DOCK3: variants seen among roughly 807,000 people sequenced by gnomAD.
The protein encoded by DOCK3 is dedicator of cytokinesis 3.
Under a neutral mutation model 265.6 loss-of-function variants are expected in DOCK3, and 60 were observed. That is an observed-to-expected ratio of 0.23 (90% CI 0.18 to 0.28). The LOEUF is 0.28. Ranked by LOEUF, DOCK3 falls within the 10% of genes least tolerant of loss-of-function variation. The pLI is 1.00. For synonymous variants in DOCK3, 881 were observed against 938.0 expected (o/e 0.94, Z 1.11); for missense variants, 1,981 against 2,594.3 (o/e 0.76, Z 5.14).
At chr3:51,249,442 C>T (rs2079056424) in intron 22 of DOCK3, among the ~76,000 whole-genome samples, 1 of 122,708 alleles carries the variant, frequency 8.1e-6, no homozygotes, top group East Asian at 2.6e-4. Flanking sequence ...TGTCCGGCCG[C>T]CCCTACTGGG....
chr3:51,279,968 A>G, intron 26 of DOCK3, 138 bp from the exon 27 acceptor site: 1 of 672,018 alleles, frequency 1.5e-6, no homozygotes, highest in East Asian at 2.8e-5. Flanking sequence ...AAAGCTTTAG[A>G]GGGCTAGATT....
intron 9 of DOCK3, among the ~76,000 whole-genome samples, chr3:51,135,801 G>C (rs888674870): frequency 6.6e-6 from 1 of 152,068 alleles, no homozygotes; most frequent in East Asian, 1.9e-4. Flanking sequence ...CTTGACGTCA[G>C]CAGGCTCAAA....
At chr3:51,291,919 G>A (rs956431315) in intron 27 of DOCK3, among the ~76,000 whole-genome samples, 28 of 152,180 alleles carry the variant, frequency 1.8e-4, no homozygotes, top group Middle Eastern at 3.4e-3. Context: ...GGGATTTATC[G>A]CTGGAATACA....
intron 3 of DOCK3, among the ~76,000 whole-genome samples, chr3:50,848,895 T>C (rs2046220285): frequency 6.6e-6 from 1 of 152,246 alleles, no homozygotes; most frequent in Admixed American, 6.5e-5. Context: ...TTCCAGATTG[T>C]TTACCTTTTC....
intron 49 of DOCK3, among the ~76,000 whole-genome samples, chr3:51,370,399 A>G (rs2087583845): frequency 6.6e-6 from 1 of 152,234 alleles, no homozygotes; most frequent in Non-Finnish European, 1.5e-5. Flanking sequence ...AAGGATGGAC[A>G]TTTGAACTCA....
At chr3:50,925,807 T>G (rs2050723531) in intron 4 of DOCK3, among the ~76,000 whole-genome samples, 1 of 149,308 alleles carries the variant, frequency 6.7e-6, no homozygotes, top group African/African-American at 2.5e-5. Context: ...TTTCAGCAGC[T>G]ACTAGGTAAA....
intron 1 of DOCK3, among the ~76,000 whole-genome samples, chr3:50,754,157 CAAAAAAAAA>C (rs71084110): frequency 1.6e-5 from 1 of 61,574 alleles, no homozygotes; most frequent in East Asian, 7.6e-4. Context: ...GACTCTGTCT[CAAAAAAAAA>C]AAAAAAAAAA....
chr3:50,799,202 T>C (rs1354697884), intron 2 of DOCK3, among the ~76,000 whole-genome samples: 1 of 152,206 alleles, frequency 6.6e-6, no homozygotes, highest in Non-Finnish European at 1.5e-5. Flanking sequence ...TTTGGGATCT[T>C]TTCTGGTTCC....
At chr3:50,843,687 C>T (rs1472349064) in intron 3 of DOCK3, among the ~76,000 whole-genome samples, 2 of 151,948 alleles carry the variant, frequency 1.3e-5, no homozygotes, top group African/African-American at 2.4e-5. Flanking sequence ...ATTTTGGGGG[C>T]TAATGTGGTA....
chr3:51,301,358 G>A (rs1347170243), intron 27 of DOCK3, among the ~76,000 whole-genome samples: 1 of 151,284 alleles, frequency 6.6e-6, no homozygotes, highest in Admixed American at 6.6e-5. Context: ...GCCAGATCCT[G>A]GATTCATTGA....
At chr3:51,151,208 T>C (rs939678729) in intron 10 of DOCK3, among the ~76,000 whole-genome samples, 1 of 152,194 alleles carries the variant, frequency 6.6e-6, no homozygotes, top group Admixed American at 6.5e-5. Flanking sequence ...TGTATGTCTC[T>C]GCACATAAGA....
intron 12 of DOCK3, among the ~76,000 whole-genome samples, chr3:51,181,372 G>C (rs2087285766): frequency 7.0e-6 from 1 of 143,596 alleles, no homozygotes; most frequent in African/African-American, 2.6e-5. Context: ...CCAGCTATGA[G>C]TGAGAACATG....
chr3:50,962,592 C>T (rs1370351083), intron 5 of DOCK3, among the ~76,000 whole-genome samples: 3 of 152,072 alleles, frequency 2.0e-5, no homozygotes, highest in Admixed American at 6.5e-5. Flanking sequence ...CAAATAAATC[C>T]GTGTATACTT....
intron 1 of DOCK3, among the ~76,000 whole-genome samples, chr3:50,729,107 G>T (rs1285102648): frequency 3.4e-5 from 5 of 146,258 alleles, no homozygotes; most frequent in African/African-American, 7.4e-5. Flanking sequence ...GATCACTTGA[G>T]CTCAGGAGTT....
intron 5 of DOCK3, 79 bp downstream of exon 5, chr3:50,934,156 C>A: frequency 1.0e-6 from 1 of 966,308 alleles, no homozygotes; most frequent in South Asian, 2.0e-5. Context: ...GCTAAGTATG[C>A]ATTTTAGATT....
intron 2 of DOCK3, among the ~76,000 whole-genome samples, chr3:50,778,990 C>T (rs1016568923): frequency 3.9e-5 from 6 of 152,038 alleles, no homozygotes; most frequent in Middle Eastern, 3.2e-3. Context: ...TGTCAGAACA[C>T]GTTTTTTACA....
intron 1 of DOCK3, among the ~76,000 whole-genome samples, chr3:50,691,152 C>T (rs1388408394): frequency 2.0e-5 from 3 of 151,454 alleles, no homozygotes; most frequent in Non-Finnish European, 4.4e-5. Context: ...GGTGTGGTGG[C>T]GGGCACCTGT....
At chr3:50,796,976 G>A (rs1257763754) in intron 2 of DOCK3, among the ~76,000 whole-genome samples, 2 of 151,988 alleles carry the variant, frequency 1.3e-5, no homozygotes, top group Admixed American at 1.3e-4. Context: ...GCTGGTGGGG[G>A]TGGGGGCTGA....
intron 5 of DOCK3, among the ~76,000 whole-genome samples, chr3:50,954,997 T>C (rs1356423138): frequency 6.6e-6 from 1 of 152,052 alleles, no homozygotes; most frequent in Non-Finnish European, 1.5e-5. Context: ...GTTGATTTTT[T>C]TATATGGTGT....
Sources: allele counts gnomAD v4.1 joint callset (sites outside exome capture counted in the v4.1 genomes callset), GRCh38; gene constraint gnomAD v4.1.1; transcripts MANE v1.5; gene names NCBI Gene and HGNC (gene_info 2026-07-23, HGNC 2026-07-21).